The following PALLD variants were observed in gnomAD, a reference collection of about 807,000 sequenced individuals.
The protein encoded by PALLD is palladin, cytoskeletal associated protein.
PALLD carries 61 observed loss-of-function variants against 123.5 expected under a neutral mutation model. The ratio of observed to expected loss-of-function variants is 0.49; its 90% CI spans 0.40 to 0.61. The LOEUF (loss-of-function observed/expected upper bound fraction) is 0.61. Ranked by LOEUF, PALLD falls within the 20% of genes least tolerant of loss-of-function variation. PALLD has a pLI of 0.00. For missense variants in PALLD, 1,273 were observed against 1,377.0 expected, an observed-to-expected ratio of 0.92 and a Z score of 1.20; for synonymous variants, 465 against 496.4, an observed-to-expected ratio of 0.94 and a Z score of 0.84.
intron 10 of PALLD, among the ~76,000 whole-genome samples, chr4:168,815,799 T>G (rs949812124): frequency 1.3e-5 from 2 of 152,228 alleles, no homozygotes; most frequent in Non-Finnish European, 2.9e-5. Context: ...CGATAGGATA[T>G]CCTGTATGTT....
At chr4:168,627,753 C>G (rs1053025357) in intron 2 of PALLD, among the ~76,000 whole-genome samples, 1 of 152,040 alleles carries the variant, frequency 6.6e-6, no homozygotes. Flanking sequence ...CCTTAACATA[C>G]GTGGAGTTTC....
At chr4:168,654,597 A>C (rs765103651) in intron 2 of PALLD, 3 of 152,212 alleles carry the variant, frequency 2.0e-5, no homozygotes, top group Non-Finnish European at 4.4e-5. Flanking sequence ...GCCTTAGGCA[A>C]TTTGCTGTGA....
chr4:168,924,888 T>A, intron 19 of PALLD, 57 bp from the exon 20 acceptor site: 8 of 1,582,240 alleles, frequency 5.1e-6, no homozygotes, highest in Non-Finnish European at 6.9e-6. Context: ...TGATGCTTCA[T>A]GTCCAAAGCC....
chr4:168,512,032 T>G lies in PALLD; in HGVS notation c.528T>G (p.Ile176Met), dbSNP rs1275166233. Residue 176 changes from isoleucine (I) to methionine (M), a missense_variant, in exon 2 of 22, where the codon ATT (isoleucine) becomes ATG (methionine). Coordinates refer to ENST00000505667, the MANE Select transcript of PALLD (RefSeq NM_001166108.2). Reference sequence around the variant, plus strand: ...TGTGTGACAAGGCAGCTAATTTAATTGAGGAGCTAACATCCATATTTAAAG... The same window carrying G: ...TGTGTGACAAGGCAGCTAATTTAATGGAGGAGCTAACATCCATATTTAAAG... ...SQLCDKAANLIEELTSIFKAA... is the reference protein window; with the variant it reads ...SQLCDKAANLMEELTSIFKAA... The G allele has an allele frequency of 6.2e-7, 1 of 1,614,172 alleles. No homozygotes were observed. Among genetic ancestry groups the G allele is most frequent in the Non-Finnish European group, 8.5e-7 (1 of 1,180,038 alleles).
chr4:168,512,288 C>G lies in PALLD; in HGVS notation c.784C>G (p.His262Asp). The change falls in exon 2 of 22, where the codon CAC becomes GAC. Residue 262 changes from histidine to aspartate, a missense_variant. This residue lies in a region of PALLD where 944 missense variants were observed against 954.5 expected (regional missense o/e 0.99). Transcript: ENST00000505667. ...PHNRKSHPQP[H>D]SALHFPAAPR... is the part of the protein sequence containing the mutation. The stretch of plus-strand genomic sequence containing the variant: ...CAACCGCAAGTCTCACCCACAGCCC[C>G]ACAGCGCCCTCCACTTCCCAGCTGC... The G allele has an allele frequency of 1.2e-6, 2 of 1,614,182 alleles. No homozygotes were observed. Among genetic ancestry groups the G allele is most frequent in the South Asian group, 1.1e-5 (1 of 91,086 alleles).
chr4:168,924,888 T>C (rs1322480719), intron 19 of PALLD, 57 bp from the exon 20 acceptor site: 1 of 1,582,122 alleles, frequency 6.3e-7, no homozygotes, highest in Admixed American at 1.7e-5. Context: ...TGATGCTTCA[T>C]GTCCAAAGCC....
chr4:168,740,880 G>C (rs1024135015), intron 10 of PALLD, among the ~76,000 whole-genome samples: 1 of 152,194 alleles, frequency 6.6e-6, no homozygotes, highest in African/African-American at 2.4e-5. Flanking sequence ...TAAGAAAATA[G>C]GCTGAATGTC....
chr4:168,612,074 C>T (rs139919949), intron 2 of PALLD, among the ~76,000 whole-genome samples: 630 of 152,162 alleles, frequency 4.1e-3, no homozygotes, highest in Non-Finnish European at 7.5e-3. Flanking sequence ...GTGGGAGGAC[C>T]ACTTGAGCCC....
At chr4:168,551,402 G>A (rs931243116) in intron 2 of PALLD, among the ~76,000 whole-genome samples, 3 of 152,096 alleles carry the variant, frequency 2.0e-5, no homozygotes, top group Non-Finnish European at 4.4e-5. Flanking sequence ...GATTCCAGGA[G>A]TATACTTCAT....
intron 2 of PALLD, among the ~76,000 whole-genome samples, chr4:168,593,607 T>C (rs1771677074): frequency 1.3e-5 from 2 of 152,102 alleles, no homozygotes; most frequent in African/African-American, 2.4e-5. Context: ...AGCAAGAGGA[T>C]TCCAGTCAAA....
chr4:168,705,856 T>G (rs1280278071), intron 8 of PALLD, among the ~76,000 whole-genome samples: 1 of 152,134 alleles, frequency 6.6e-6, no homozygotes, highest in Non-Finnish European at 1.5e-5. Flanking sequence ...TTGCCCAGGT[T>G]GGTCTTGAAC....
intron 10 of PALLD, among the ~76,000 whole-genome samples, chr4:168,859,340 G>A (rs908868842): frequency 6.6e-6 from 1 of 152,192 alleles, no homozygotes; most frequent in Admixed American, 6.5e-5. Flanking sequence ...GGATGATCCT[G>A]TCTATGGAAG....
chr4:168,721,830 T>C (rs1402826549), intron 10 of PALLD, among the ~76,000 whole-genome samples: 2 of 152,304 alleles, frequency 1.3e-5, no homozygotes, highest in East Asian at 3.9e-4. Context: ...GATCTCCTTC[T>C]AGAAACCAAT....
chr4:168,755,842 T>C (rs537565030), intron 10 of PALLD: 14 of 182,388 alleles, frequency 7.7e-5, no homozygotes, highest in South Asian at 4.6e-4. Context: ...GTAATCAGAC[T>C]GTCCACATTC....
chr4:168,508,681 G>C (rs1472141825), intron 1 of PALLD, among the ~76,000 whole-genome samples: 3 of 152,146 alleles, frequency 2.0e-5, no homozygotes, highest in African/African-American at 7.2e-5. Flanking sequence ...AAAAAACACA[G>C]TAGCTTTCTT....
intron 11 of PALLD, among the ~76,000 whole-genome samples, chr4:168,891,849 C>T (rs1023259654): frequency 1.3e-5 from 2 of 152,122 alleles, no homozygotes; most frequent in African/African-American, 4.8e-5. Context: ...CTTACACACG[C>T]ACACAAATCT....
At chr4:168,554,722 T>C (rs1767094207) in intron 2 of PALLD, among the ~76,000 whole-genome samples, 1 of 152,194 alleles carries the variant, frequency 6.6e-6, no homozygotes, top group Non-Finnish European at 1.5e-5. Flanking sequence ...ATATTTTGCT[T>C]TATATATCTT....
rs33986145 is a variant in PALLD, at chr4:168,519,904, CT to C, written c.908+7503del. Among the ~76,000 whole-genome samples, 973 of 150,950 alleles carry C rather than the reference CT, an allele frequency of 6.4e-3. 18 individuals are homozygous for C. Among genetic ancestry groups the C allele is most frequent in the African/African-American group, 0.017 (690 of 41,194 alleles). ...TTTTATTTCTTAATTCATTTTAAAT[CT>C]TTTTTTTTTTCTGTGTATTTGCACT... On this transcript the variant is annotated intron_variant, in intron 2 of 21. Coordinates refer to ENST00000505667, the MANE Select transcript of PALLD (RefSeq NM_001166108.2).
intron 2 of PALLD, among the ~76,000 whole-genome samples, chr4:168,608,030 C>G (rs534555835): frequency 6.6e-6 from 1 of 152,188 alleles, no homozygotes; most frequent in African/African-American, 2.4e-5. Context: ...ATAGGTCCCA[C>G]CACTTAAAGA....
Sources: gnomAD v4.1 joint callset for allele counts (sites outside exome capture counted in the v4.1 genomes callset) on GRCh38, gnomAD v4.1.1 for gene constraint, gnomAD v4.1.1 regional missense constraint, MANE v1.5 for transcripts, NCBI Gene and HGNC (gene_info 2026-07-23, HGNC 2026-07-21) for gene names.